The following NWD2 variants were observed in gnomAD, a reference collection of about 807,000 sequenced individuals.
NWD2 encodes NACHT and WD repeat domain-containing protein 2.
In NWD2, 37 loss-of-function variants were observed where a neutral mutation model predicts 132.7. The observed-to-expected ratio is 0.28, with a 90% CI of 0.21 to 0.37. The LOEUF is 0.37. Ranked by LOEUF, NWD2 falls within the 10% of genes least tolerant of loss-of-function variation. The probability of loss-of-function intolerance (pLI) is 1.00; values close to 1 mark genes in which losing one functional copy is unlikely to be tolerated. For missense variants in NWD2, 1,592 were observed against 2,122.4 expected, an observed-to-expected ratio of 0.75 and a Z score of 4.91; for synonymous variants, 705 against 803.0, an observed-to-expected ratio of 0.88 and a Z score of 2.06.
intron 1 of NWD2, among the ~76,000 whole-genome samples, chr4:37,311,888 C>G (rs1718850439): frequency 6.6e-6 from 1 of 151,308 alleles, no homozygotes; most frequent in South Asian, 2.1e-4. Context: ...AATAGGGAAT[C>G]CTTTCCCTAT....
chr4:37,253,011 C>G (rs1161066420), intron 1 of NWD2, among the ~76,000 whole-genome samples: 4 of 148,060 alleles, frequency 2.7e-5, no homozygotes, highest in East Asian at 2.1e-4. Flanking sequence ...ACCCCCCCCC[C>G]TTATGTTTTG....
chr4:37,427,728 A>T (rs561889242), intron 3 of NWD2, among the ~76,000 whole-genome samples: 9 of 152,326 alleles, frequency 5.9e-5, no homozygotes. Context: ...GCCAGTACTG[A>T]GGAGGCTTGA....
chr4:37,348,713 T>C (rs1373162266), intron 2 of NWD2, among the ~76,000 whole-genome samples: 2 of 127,846 alleles, frequency 1.6e-5, no homozygotes, highest in Non-Finnish European at 3.2e-5. Flanking sequence ...CTTTAAGTTC[T>C]GAGATACATG....
intron 3 of NWD2, among the ~76,000 whole-genome samples, chr4:37,360,614 T>G (rs1719963119): frequency 6.6e-6 from 1 of 152,144 alleles, no homozygotes; most frequent in African/African-American, 2.4e-5. Flanking sequence ...TTCATCACCT[T>G]TTAGGTGTAA....
chr4:37,316,353 A>G (rs1409853272), intron 1 of NWD2, among the ~76,000 whole-genome samples: 1 of 151,666 alleles, frequency 6.6e-6, no homozygotes, highest in East Asian at 1.9e-4. Context: ...GTCAGCTATT[A>G]ATTGTAATGC....
intron 2 of NWD2, among the ~76,000 whole-genome samples, chr4:37,336,105 C>T (rs1265594541): frequency 1.3e-5 from 2 of 151,876 alleles, no homozygotes; most frequent in African/African-American, 2.4e-5. Context: ...ATGCTCAAGT[C>T]TTTTTAGCTT....
intron 3 of NWD2, among the ~76,000 whole-genome samples, chr4:37,365,386 C>G (rs1369051187): frequency 1.3e-5 from 2 of 152,016 alleles, no homozygotes; most frequent in African/African-American, 4.8e-5. Flanking sequence ...TTCTACCAAC[C>G]AAAATGTATT....
rs556606985 is a variant in NWD2, at chr4:37,330,302, C to G, written c.240+4278C>G. ...CACTGGAAAGAACATCAAGCCCACT[C>G]AGCAAAGAACACCCAGGGCATCAGG... On this transcript the variant is annotated intron_variant, in intron 2 of 6. Transcript: ENST00000309447. Among the ~76,000 whole-genome samples the G allele has an allele frequency of 2.6e-5, 4 of 152,256 alleles. No homozygotes were observed. The East Asian group carries it at 7.7e-4, about 29-fold the overall frequency.
At chr4:37,318,556 G>A (rs28497323) in intron 1 of NWD2, among the ~76,000 whole-genome samples, 11,068 of 152,052 alleles carry the variant, frequency 0.073, 1,237 homozygotes, top group African/African-American at 0.24. Flanking sequence ...TGATCACAGT[G>A]CCCAACAGTT....
chr4:37,332,891 A>T (rs778341288), intron 2 of NWD2, among the ~76,000 whole-genome samples: 1 of 152,166 alleles, frequency 6.6e-6, no homozygotes, highest in Non-Finnish European at 1.5e-5. Flanking sequence ...ACCTGGCAGC[A>T]TTCACTACAA....
chr4:37,337,962 G>A (rs1379105038), intron 2 of NWD2, among the ~76,000 whole-genome samples: 4 of 152,124 alleles, frequency 2.6e-5, no homozygotes, highest in Non-Finnish European at 4.4e-5. Flanking sequence ...TGTTCTGGTT[G>A]ACTCATCTGC....
At chr4:37,310,993 A>G (rs1218658572) in intron 1 of NWD2, among the ~76,000 whole-genome samples, 5 of 151,884 alleles carry the variant, frequency 3.3e-5, no homozygotes, top group Non-Finnish European at 5.9e-5. Flanking sequence ...ATAGTATTCC[A>G]TTGTGTATAT....
At chr4:37,245,313 C>T (rs1460458519) in intron 1 of NWD2, 95 bp downstream of exon 1, 7 of 1,345,020 alleles carry the variant, frequency 5.2e-6, no homozygotes, top group Non-Finnish European at 6.9e-6. Flanking sequence ...CCGGTGCGCC[C>T]TGCGCTCCCT....
At chr4:37,371,072 C>CTTTTTTTTTT (rs1309185055) in intron 3 of NWD2, among the ~76,000 whole-genome samples, 5 of 100,522 alleles carry the variant, frequency 5.0e-5, no homozygotes, top group Admixed American at 1.3e-4. Flanking sequence ...ATTTTTTTTT[C>CTTTTTTTTTT]TTTTTCTTTT....
At chr4:37,297,546 A>G (rs1302368378) in intron 1 of NWD2, among the ~76,000 whole-genome samples, 2 of 152,214 alleles carry the variant, frequency 1.3e-5, no homozygotes, top group African/African-American at 2.4e-5. Context: ...TCAGGAAGTG[A>G]ACAGGAATTC....
Position 37,443,298 on chromosome 4 carries a change from T to C in NWD2, c.1310T>C (p.Leu437Pro). ...TTTGTGTTTCAGGCTTATGGCTGGC[T>C]ACATGAGGACACAGGACCAGAATCT... ...AEVAKKAYGWLHEDTGPESDP... is the reference protein window; with the variant it reads ...AEVAKKAYGWPHEDTGPESDP... Residue 437 changes from leucine (L) to proline (P), a missense_variant, in exon 7 of 7, where the codon CTA becomes CCA. This residue lies in a region of NWD2 where 1,071 missense variants were observed against 1,398.0 expected (regional missense o/e 0.77). Transcript: ENST00000309447. This position sits in a 1 kb window ranked among gnomAD's most constrained non-coding sequence, Gnocchi z 4.1. 1 of 1,549,064 alleles carries C rather than the reference T, an allele frequency of 6.5e-7. No individual in the cohort carries two copies.
chr4:37,296,216 G>A (rs188495452), intron 1 of NWD2, among the ~76,000 whole-genome samples: 3 of 152,312 alleles, frequency 2.0e-5, no homozygotes, highest in Admixed American at 2.0e-4. Flanking sequence ...CTAAGGCTGT[G>A]GGGTGCCTTC....
intron 3 of NWD2, among the ~76,000 whole-genome samples, chr4:37,371,657 T>A (rs1170146487): frequency 6.6e-6 from 1 of 152,246 alleles, no homozygotes; most frequent in Non-Finnish European, 1.5e-5. Flanking sequence ...GGCTTTTATT[T>A]ACCTGAGGGA....
At chr4:37,416,950 G>T (rs896817249) in intron 3 of NWD2, among the ~76,000 whole-genome samples, 1 of 151,990 alleles carries the variant, frequency 6.6e-6, no homozygotes, top group Non-Finnish European at 1.5e-5. Context: ...GGGGGGAAAG[G>T]GTGGGAGGGG....
Sources: gnomAD v4.1 joint callset for allele counts (sites outside exome capture counted in the v4.1 genomes callset) on GRCh38, gnomAD v4.1.1 for gene constraint, gnomAD v4.1.1 regional missense constraint, Gnocchi (gnomAD v3.1) non-coding constraint, MANE v1.5 for transcripts, NCBI Gene and HGNC (gene_info 2026-07-23, HGNC 2026-07-21) for gene names.